Variants in SYCE1L observed in about 807,000 individuals in gnomAD.
The protein encoded by SYCE1L is synaptonemal complex central element protein 1-like.
In SYCE1L, 51 loss-of-function variants were observed where a neutral mutation model predicts 39.6. The observed-to-expected ratio is 1.29, with a 90% CI of 1.03 to 1.63. SYCE1L has a LOEUF of 1.63. Among genes scored for constraint, SYCE1L ranks in the 40% most tolerant of loss-of-function variants. SYCE1L has a pLI of 0.00. For missense variants in SYCE1L, 426 were observed against 304.9 expected, an observed-to-expected ratio of 1.40 and a Z score of -2.96; for synonymous variants, 147 against 122.4, an observed-to-expected ratio of 1.20 and a Z score of -1.33.
chr16:77,208,188 C>G, intron 2 of SYCE1L, 22 bp from the exon 3 acceptor site: 4 of 1,549,992 alleles, frequency 2.6e-6, no homozygotes, highest in Non-Finnish European at 3.5e-6. Flanking sequence ...CTGGCTCACT[C>G]TTTCTTCCTT....
chr16:77,200,242 ATATATG>A (rs2054718883), intron 1 of SYCE1L: 1 of 131,882 alleles, frequency 7.6e-6, no homozygotes, highest in Non-Finnish European at 1.6e-5. Flanking sequence ...GTATATATAT[ATATATG>A]TATATGTGTA....
chr16:77,203,501 C>G (rs2054761373), intron 1 of SYCE1L, among the ~76,000 whole-genome samples: 1 of 151,420 alleles, frequency 6.6e-6, no homozygotes, highest in African/African-American at 2.4e-5. Context: ...TTAAAAAACC[C>G]TGATTTACAA....
rs151189163 is a variant in SYCE1L at position 77,203,934 on chromosome 16, T to C, written c.62-2507T>C. 7.9e-5 allele frequency among the ~76,000 whole-genome samples: 12 copies of C among 152,064 alleles called. No homozygotes were observed. In the East Asian group the frequency reaches 2.1e-3, roughly 27 times the overall value. ...TAAAATTATAAGCAGTGAAACAACA[T>C]CTCGCCCACCATTATTAATTATGTC... On this transcript the variant is annotated intron_variant, in intron 1 of 10. Transcript: ENST00000378644.
Position 77,199,496 on chromosome 16 carries a change from T to C in SYCE1L, c.45T>C (p.Ala15=), listed in dbSNP as rs772245220. 1 of 1,551,454 alleles carries C rather than the reference T, an allele frequency of 6.4e-7. No individual in the cohort carries two copies. The highest frequency in any genetic ancestry group is 1.2e-5 in the South Asian group (1 of 84,042). ...CTCTGAATGTGGAGGCGCCAGAAGC[T>C]ACTGAGGAGGCTGAAGGTAGTGAGG... ...LKPLNVEAPE[A]TEEAEGQAKS... Residue 15 remains alanine, a synonymous_variant, in exon 1 of 11, where the codon GCT becomes GCC. Transcript: ENST00000378644.
At chr16:77,208,799 C>T (rs1334099880) in intron 4 of SYCE1L, among the ~76,000 whole-genome samples, 1 of 152,166 alleles carries the variant, frequency 6.6e-6, no homozygotes, top group East Asian at 1.9e-4. Context: ...TCTTAAGAGC[C>T]TTTATGTCCA....
At chr16:77,209,993 C>T (rs1157495555) in intron 6 of SYCE1L, among the ~76,000 whole-genome samples, 2 of 152,208 alleles carry the variant, frequency 1.3e-5, no homozygotes, top group East Asian at 1.9e-4. Flanking sequence ...TTCACTTAGC[C>T]AAACATCCAT....
chr16:77,200,465 T>C (rs1429419933), intron 1 of SYCE1L: 1 of 141,704 alleles, frequency 7.1e-6, no homozygotes, highest in Non-Finnish European at 1.5e-5. Flanking sequence ...AGAAAAAAAA[T>C]TCTCCCTTGG....
At chr16:77,201,569 C>G (rs2054743465) in intron 1 of SYCE1L, 1 of 152,156 alleles carries the variant, frequency 6.6e-6, no homozygotes, top group Non-Finnish European at 1.5e-5. Context: ...TTTTTAGCAT[C>G]TAAAATGCTC....
chr16:77,202,129 T>C (rs1395618979), intron 1 of SYCE1L: 1 of 152,236 alleles, frequency 6.6e-6, no homozygotes, highest in Non-Finnish European at 1.5e-5. Context: ...AAATGTTGAA[T>C]GGCACCTGAG....
chr16:77,204,596 T>C (rs767650509), intron 1 of SYCE1L, among the ~76,000 whole-genome samples: 11 of 150,346 alleles, frequency 7.3e-5, no homozygotes, highest in Non-Finnish European at 1.3e-4. Context: ...AGCTTAAATA[T>C]CATCAATAGG....
intron 6 of SYCE1L, 39 bp from the exon 7 acceptor site, chr16:77,211,174 C>G: frequency 6.4e-7 from 1 of 1,551,144 alleles, no homozygotes; most frequent in Non-Finnish European, 8.7e-7. Flanking sequence ...GGTGTCAGGC[C>G]TAGCATGTGT....
At chr16:77,211,743 A>G (rs942229133) in intron 7 of SYCE1L, among the ~76,000 whole-genome samples, 1 of 152,160 alleles carries the variant, frequency 6.6e-6, no homozygotes, top group African/African-American at 2.4e-5. Flanking sequence ...AGATCGTGGA[A>G]CTTCAGTGGG....
intron 1 of SYCE1L, among the ~76,000 whole-genome samples, chr16:77,205,489 AGT>A (rs1280284375): frequency 8.4e-6 from 1 of 118,790 alleles, no homozygotes; most frequent in Admixed American, 8.5e-5. Flanking sequence ...TATGGTGAAA[AGT>A]GTGGTGAATC....
chr16:77,203,561 G>C (rs2086939833), intron 1 of SYCE1L, among the ~76,000 whole-genome samples: 1 of 148,152 alleles, frequency 6.7e-6, no homozygotes. Context: ...CATGCTGTAA[G>C]TAATCCCCTA....
chr16:77,208,088 C>T, intron 2 of SYCE1L, 122 bp from the exon 3 acceptor site: 1 of 1,013,334 alleles, frequency 9.9e-7, no homozygotes, highest in Non-Finnish European at 1.4e-6. Context: ...GAGCTCAACA[C>T]ACAGCAGGCG....
rs779515595 is a variant in SYCE1L at position 77,212,171 on chromosome 16, G to A, written c.465G>A (p.Glu155=). ...TGGCCCGGGAGATCCGTGCCCTGGA[G>A]AGAAGCAAGGAGCAGCTGCTCTCGG... ...QRLAREIRAL[E]RSKEQLLSER... is the part of the protein sequence containing the mutation. Residue 155 remains glutamate, a synonymous_variant, in exon 8 of 11, where the codon GAG becomes GAA. Coordinates refer to ENST00000378644, the MANE Select transcript of SYCE1L (RefSeq NM_001129979.3). 5.2e-6 allele frequency: 8 copies of A among 1,549,238 alleles called. No individual in the cohort carries two copies. The highest frequency in any genetic ancestry group is 6.1e-6 in the Non-Finnish European group (7 of 1,146,618).
In SYCE1L at chr16:77,209,430, C is replaced by A; in HGVS notation, c.318C>A (p.Ile106=). ...CCTTCCCCACAGAGGCACTGAGGATCCTCCAGATGCACTGCCAAGAGAAGG... is the reference window on the plus strand; with the variant it reads ...CCTTCCCCACAGAGGCACTGAGGATACTCCAGATGCACTGCCAAGAGAAGG... ...VLGKKQEALR[I]LQMHCQEKES... is the part of the protein sequence containing the mutation. Residue 106 remains isoleucine (I), a synonymous_variant, in exon 6 of 11, where the codon ATC becomes ATA. Transcript: ENST00000378644. The A allele has an allele frequency of 1.3e-6, 2 of 1,551,692 alleles. No individual in the cohort carries two copies. Among genetic ancestry groups the A allele is most frequent in the Non-Finnish European group, 8.7e-7 (1 of 1,146,986 alleles).
At position 77,199,424 on chromosome 16, in the gene SYCE1L, G is replaced by C. The variant is rs1454313027; in HGVS notation, c.-28G>C. On this transcript the variant is annotated 5_prime_UTR_variant, in exon 1 of 11. Transcript: ENST00000378644. ...TCTTTTTTAACCAGTCATCAAGCGA[G>C]GCTCGCGCGCAGGCCCCGCGTTGGA... 3.2e-6 allele frequency: 5 copies of C among 1,550,836 alleles called. No individual in the cohort carries two copies. The African/African-American group carries it at 5.5e-5, about 17-fold the overall frequency.
At chr16:77,199,768 C>A (rs1306104506) in intron 1 of SYCE1L, 2 of 390,726 alleles carry the variant, frequency 5.1e-6, no homozygotes, top group Non-Finnish European at 4.6e-6. Context: ...ACATGTAGTT[C>A]AGTACGAAAG....
Sources: allele counts gnomAD v4.1 joint callset (sites outside exome capture counted in the v4.1 genomes callset), GRCh38; gene constraint gnomAD v4.1.1; transcripts MANE v1.5; gene names NCBI Gene and HGNC (gene_info 2026-07-23, HGNC 2026-07-21).